The following SNX13 variants were observed in gnomAD, a reference collection of about 807,000 sequenced individuals.
SNX13 encodes the protein sorting nexin 13, also known as sorting nexin-13.
A neutral mutation model predicts 133.6 loss-of-function variants in SNX13; 45 were observed. The observed-to-expected ratio is 0.34, with a 90% CI of 0.27 to 0.43. The LOEUF is 0.43. Among genes scored for constraint, SNX13 ranks in the 20% least tolerant of loss-of-function variants. The probability of loss-of-function intolerance (pLI) is 1.00; values close to 1 mark genes in which losing one functional copy is unlikely to be tolerated. For synonymous variants in SNX13, 414 were observed against 373.9 expected, an observed-to-expected ratio of 1.11 and a Z score of -1.24; for missense variants, 1,032 against 1,145.1, an observed-to-expected ratio of 0.90 and a Z score of 1.43.
At chr7:17,807,990 A>G (rs1265084423) in intron 20 of SNX13, among the ~76,000 whole-genome samples, 1 of 152,190 alleles carries the variant, frequency 6.6e-6, no homozygotes, top group Non-Finnish European at 1.5e-5. Context: ...TAAATTCACG[A>G]AGAAGAGGAA....
intron 17 of SNX13, among the ~76,000 whole-genome samples, chr7:17,823,516 T>TA (rs1787540041): frequency 6.6e-6 from 1 of 152,208 alleles, no homozygotes; most frequent in Non-Finnish European, 1.5e-5. Flanking sequence ...CAAACTTTCT[T>TA]AAAATTTTTT....
chr7:17,806,083 G>A (rs1785265157), intron 20 of SNX13, among the ~76,000 whole-genome samples: 4 of 152,168 alleles, frequency 2.6e-5, no homozygotes, highest in Admixed American at 2.0e-4. Context: ...TGTACACTTA[G>A]CTGTCCTTAC....
chr7:17,874,581 G>A (rs1281481855), intron 7 of SNX13, among the ~76,000 whole-genome samples: 3 of 151,998 alleles, frequency 2.0e-5, no homozygotes, highest in African/African-American at 7.2e-5. Context: ...AAGAAGAAAG[G>A]AAGAACAAAG....
At chr7:17,888,415 A>C in intron 5 of SNX13, 1 of 223,110 alleles carries the variant, frequency 4.5e-6, no homozygotes, top group South Asian at 5.6e-5. Context: ...AAACAGGGAA[A>C]GTATTGCAAT....
chr7:17,819,502 C>T (rs1478973718), intron 18 of SNX13, among the ~76,000 whole-genome samples: 1 of 152,186 alleles, frequency 6.6e-6, no homozygotes, highest in Non-Finnish European at 1.5e-5. Flanking sequence ...GCTGGAATTA[C>T]AGGCGTGAGG....
chr7:17,870,961 G>A (rs1377947339), intron 8 of SNX13, among the ~76,000 whole-genome samples: 1 of 151,884 alleles, frequency 6.6e-6, no homozygotes, highest in Admixed American at 6.6e-5. Context: ...TATGAAGAAT[G>A]AATACAATTT....
At chr7:17,836,661 G>T (rs562135944) in intron 13 of SNX13, among the ~76,000 whole-genome samples, 1 of 152,020 alleles carries the variant, frequency 6.6e-6, no homozygotes, top group East Asian at 1.9e-4. Context: ...AAACCAATGG[G>T]ACTAGTTAAC....
At chr7:17,930,056 G>C (rs1801215312) in intron 1 of SNX13, among the ~76,000 whole-genome samples, 1 of 88,318 alleles carries the variant, frequency 1.1e-5, no homozygotes, top group African/African-American at 4.0e-5. Context: ...ATTTACATCA[G>C]AGGAAATAAG....
Position 17,826,143 on chromosome 7 carries a change from A to G in SNX13, c.1636-52T>C, listed in dbSNP as rs1301400394. The G allele has an allele frequency of 2.5e-6, 3 of 1,200,676 alleles. No individual in the cohort carries two copies. The African/African-American group carries it at 4.6e-5, about 19-fold the overall frequency. The allele number at this position is 1,200,676 out of a possible 1,614,324, so 74.4% of individuals were successfully genotyped here. A position where few individuals can be genotyped will look rare whatever the true frequency, so the allele number is the denominator to read the frequency against. ...TTTTTAAAATTTTATAGGGAAAAAA[A>G]AGAGTAAAGAATTCTACATCATATA... On this transcript the variant is annotated intron_variant, in intron 16 of 25. Coordinates refer to ENST00000428135, the MANE Select transcript of SNX13 (RefSeq NM_015132.5).
In SNX13 at chr7:17,827,724, C is replaced by T. The variant is rs192734014; in HGVS notation, c.1636-1633G>A. Among the ~76,000 whole-genome samples, 3 of 151,834 alleles carry T rather than the reference C, an allele frequency of 2.0e-5. No homozygotes were observed. The East Asian group carries it at 5.8e-4, about 29-fold the overall frequency. On this transcript the variant is annotated intron_variant, in intron 16 of 25. Coordinates refer to ENST00000428135, the MANE Select transcript of SNX13 (RefSeq NM_015132.5). ...TCCCAATGGTAAAATGGGGCTAATA[C>T]CTGCTCTACATCTCTGTCAGGACAT...
At chr7:17,834,321 T>G (rs964571980) in intron 14 of SNX13, 137 bp from the exon 15 acceptor site, 10 of 715,846 alleles carry the variant, frequency 1.4e-5, no homozygotes, top group Admixed American at 3.5e-5. Flanking sequence ...ATAAGACTAT[T>G]TCACAACTAA....
chr7:17,832,790 T>A (rs1472708759), intron 15 of SNX13, among the ~76,000 whole-genome samples: 1 of 151,450 alleles, frequency 6.6e-6, no homozygotes, highest in Non-Finnish European at 1.5e-5. Flanking sequence ...AGTATTAATT[T>A]AAAAACCCAA....
chr7:17,918,012 C>A, intron 1 of SNX13, among the ~76,000 whole-genome samples: 1 of 152,082 alleles, frequency 6.6e-6, no homozygotes, highest in South Asian at 2.1e-4. Flanking sequence ...CACCTACAAC[C>A]AACTGACCTT....
chr7:17,809,631 C>T (rs1003659448), intron 20 of SNX13, among the ~76,000 whole-genome samples: 2 of 152,214 alleles, frequency 1.3e-5, no homozygotes, highest in Non-Finnish European at 1.5e-5. Context: ...TAACAGATAT[C>T]TACAGAACTC....
At chr7:17,851,393 C>G (rs1791193481) in intron 9 of SNX13, among the ~76,000 whole-genome samples, 1 of 152,088 alleles carries the variant, frequency 6.6e-6, no homozygotes, top group Non-Finnish European at 1.5e-5. Context: ...AAATATAACA[C>G]AACCACTGTG....
intron 9 of SNX13, among the ~76,000 whole-genome samples, chr7:17,863,111 C>G (rs1023676912): frequency 1.3e-5 from 2 of 152,126 alleles, no homozygotes; most frequent in African/African-American, 4.8e-5. Context: ...ATTCCACTAG[C>G]ACCCAGGGAA....
intron 20 of SNX13, among the ~76,000 whole-genome samples, chr7:17,805,211 T>TGTGTG (rs756302031): frequency 2.5e-5 from 3 of 118,524 alleles, no homozygotes; most frequent in East Asian, 2.5e-4. Context: ...TAATGATTCT[T>TGTGTG]TGTGTGTGTG....
chr7:17,893,272 A>T, intron 3 of SNX13, 60 bp downstream of exon 3: 1 of 1,119,592 alleles, frequency 8.9e-7, no homozygotes, highest in Non-Finnish European at 1.3e-6. Flanking sequence ...ACAGATGATT[A>T]CTCTATTATC....
At chr7:17,850,540 T>A in intron 10 of SNX13, 105 bp from the exon 11 acceptor site, 1 of 690,684 alleles carries the variant, frequency 1.4e-6, no homozygotes, top group East Asian at 3.0e-5. Flanking sequence ...ATACAGCAAC[T>A]GTTTTAGTCA....
Sources: gnomAD v4.1 joint callset for allele counts (sites outside exome capture counted in the v4.1 genomes callset) on GRCh38, gnomAD v4.1.1 for gene constraint, MANE v1.5 for transcripts, NCBI Gene and HGNC (gene_info 2026-07-23, HGNC 2026-07-21) for gene names.